DMRT1: variants seen among roughly 807,000 people sequenced by gnomAD.
The protein encoded by DMRT1 is doublesex- and mab-3-related transcription factor 1.
DMRT1 carries 7 observed loss-of-function variants against 32.3 expected under a neutral mutation model. The observed-to-expected ratio is 0.22, with a 90% confidence interval of 0.12 to 0.41. The LOEUF is 0.41. DMRT1 is among the 10% of genes least tolerant of loss of function. The pLI is 1.00. For missense variants in DMRT1, 625 were observed against 500.5 expected (o/e 1.25, Z -2.37); for synonymous variants, 278 against 206.1 (o/e 1.35, Z -2.99).
At chr9:942,307 T>C (rs1041541462) in intron 4 of DMRT1, among the ~76,000 whole-genome samples, 4 of 152,346 alleles carry the variant, frequency 2.6e-5, no homozygotes, top group Admixed American at 2.0e-4. Context: ...AGGGTCTCAA[T>C]GTGTCACCCA....
intron 4 of DMRT1, among the ~76,000 whole-genome samples, chr9:917,344 T>C (rs553518866): frequency 1.3e-5 from 2 of 152,328 alleles, no homozygotes; most frequent in East Asian, 1.9e-4. Flanking sequence ...TAAAACATTT[T>C]TGAATACAAT....
At chr9:938,642 T>G (rs1279450831) in intron 4 of DMRT1, among the ~76,000 whole-genome samples, 1 of 152,228 alleles carries the variant, frequency 6.6e-6, no homozygotes, top group Non-Finnish European at 1.5e-5. Context: ...CTATCAGTTT[T>G]TTTGTGGATT....
intron 2 of DMRT1, among the ~76,000 whole-genome samples, chr9:886,608 A>T (rs747853288): frequency 6.6e-5 from 10 of 152,028 alleles, no homozygotes; most frequent in Non-Finnish European, 8.8e-5. Flanking sequence ...CAGAGTGGGA[A>T]TGGATATGGT....
At chr9:859,637 T>C (rs1478348915) in intron 2 of DMRT1, among the ~76,000 whole-genome samples, 1 of 152,244 alleles carries the variant, frequency 6.6e-6, no homozygotes, top group Non-Finnish European at 1.5e-5. Context: ...ATTACTGTTG[T>C]TGAACCAAAT....
At chr9:915,258 C>T (rs941716859) in intron 3 of DMRT1, among the ~76,000 whole-genome samples, 1 of 152,122 alleles carries the variant, frequency 6.6e-6, no homozygotes, top group Non-Finnish European at 1.5e-5. Flanking sequence ...TGCTCGGTGT[C>T]TCTAACAGGG....
intron 2 of DMRT1, among the ~76,000 whole-genome samples, chr9:893,445 C>A (rs1000677784): frequency 6.6e-6 from 1 of 152,252 alleles, no homozygotes; most frequent in African/African-American, 2.4e-5. Context: ...TCTGAAGATA[C>A]CTGATCACCT....
rs185428124 is a variant in DMRT1 at position 936,669 on chromosome 9, G to A, written c.967+19762G>A. Among the ~76,000 whole-genome samples the A allele has an allele frequency of 1.6e-4, 24 of 150,524 alleles. No individual in the cohort carries two copies. The East Asian group carries it at 3.1e-3, about 20-fold the overall frequency. On this transcript the variant is annotated intron_variant, in intron 4 of 4. Coordinates refer to ENST00000382276, the MANE Select transcript of DMRT1 (RefSeq NM_021951.3). ...TCGGGAGGCTGAGGCAATGAGAATC[G>A]CTTGAACCTGGGAGGCGGAAATTGC...
intron 2 of DMRT1, among the ~76,000 whole-genome samples, chr9:864,714 A>T (rs549011767): frequency 1.3e-5 from 2 of 148,864 alleles, no homozygotes; most frequent in Non-Finnish European, 3.0e-5. Flanking sequence ...GTTAGCCAGG[A>T]TGGTCTCCAT....
At chr9:891,209 C>T (rs1299882230) in intron 2 of DMRT1, among the ~76,000 whole-genome samples, 3 of 149,924 alleles carry the variant, frequency 2.0e-5, no homozygotes, top group East Asian at 4.0e-4. Context: ...AAGCTAAGAG[C>T]TTATTAAAAT....
intron 2 of DMRT1, among the ~76,000 whole-genome samples, chr9:865,943 C>T (rs914303771): frequency 6.6e-5 from 10 of 152,038 alleles, no homozygotes; most frequent in African/African-American, 2.2e-4. Context: ...GTGGGCGGAT[C>T]ACCTAAGGTC....
At chr9:930,687 C>T (rs909070974) in intron 4 of DMRT1, among the ~76,000 whole-genome samples, 18 of 152,102 alleles carry the variant, frequency 1.2e-4, no homozygotes, top group African/African-American at 3.4e-4. Flanking sequence ...GGATTACAGA[C>T]ATGAGCCACC....
chr9:914,573 C>CAAAAAA (rs34584256), intron 3 of DMRT1, among the ~76,000 whole-genome samples: 2 of 66,160 alleles, frequency 3.0e-5, no homozygotes, highest in African/African-American at 1.2e-4. Context: ...GACTCTGTCT[C>CAAAAAA]AAAAAAAAAA....
At chr9:938,885 A>T (rs1297588969) in intron 4 of DMRT1, among the ~76,000 whole-genome samples, 3 of 152,210 alleles carry the variant, frequency 2.0e-5, no homozygotes, top group Non-Finnish European at 4.4e-5. Flanking sequence ...TTCATATACG[A>T]CCGTGATCAT....
At chr9:874,801 CTTTTT>C (rs71327354) in intron 2 of DMRT1, among the ~76,000 whole-genome samples, 2 of 76,926 alleles carry the variant, frequency 2.6e-5, no homozygotes, top group Non-Finnish European at 4.5e-5. Flanking sequence ...ACAAGTTAAT[CTTTTT>C]TTTTTTTTTT....
chr9:851,630 T>G (rs1388077364), intron 2 of DMRT1, among the ~76,000 whole-genome samples: 3 of 152,180 alleles, frequency 2.0e-5, no homozygotes, highest in African/African-American at 7.2e-5. Flanking sequence ...TCAAGAATTA[T>G]TGCCAAGAAT....
intron 4 of DMRT1, among the ~76,000 whole-genome samples, chr9:933,035 C>A (rs917311702): frequency 6.6e-6 from 1 of 152,058 alleles, no homozygotes. Context: ...GCCTCAGCCT[C>A]CCGAGTGGCT....
In DMRT1 at chr9:969,044, A is replaced by T. The variant is rs4742608; in HGVS notation, c.*905A>T. 2 of 152,474 alleles carry T rather than the reference A, an allele frequency of 1.3e-5. No individual in the cohort carries two copies. Among genetic ancestry groups the T allele is most frequent in the Non-Finnish European group, 2.9e-5 (2 of 68,028 alleles). The allele number at this position is 152,474 out of a possible 1,614,324, so 9.4% of individuals were successfully genotyped here. ...CTAGTCTAAAAAAATTCATTGTTCT[A>T]CTTAGTTGCAGCTGTACCTGAAATA... On this transcript the variant is annotated 3_prime_UTR_variant, in exon 5 of 5. Coordinates refer to ENST00000382276, the MANE Select transcript of DMRT1 (RefSeq NM_021951.3).
intron 2 of DMRT1, among the ~76,000 whole-genome samples, chr9:884,512 G>C (rs1375103980): frequency 6.6e-6 from 1 of 152,214 alleles, no homozygotes; most frequent in African/African-American, 2.4e-5. Flanking sequence ...AGATGCATCT[G>C]AGGGGAGACA....
chr9:902,975 T>G (rs1473905680), intron 3 of DMRT1, among the ~76,000 whole-genome samples: 1 of 152,160 alleles, frequency 6.6e-6, no homozygotes, highest in Non-Finnish European at 1.5e-5. Context: ...AACTCCAAAG[T>G]CATGATAGAC....
Sources: gnomAD v4.1 joint callset for allele counts (sites outside exome capture counted in the v4.1 genomes callset) on GRCh38, gnomAD v4.1.1 for gene constraint, MANE v1.5 for transcripts, NCBI Gene and HGNC (gene_info 2026-07-23, HGNC 2026-07-21) for gene names.